Variants in STAG3 observed in about 807,000 individuals in gnomAD.
STAG3 encodes the protein cohesin subunit SA-3.
STAG3 carries 101 observed loss-of-function variants against 160.7 expected under a neutral mutation model. That is an observed-to-expected ratio of 0.63 (90% CI 0.54 to 0.74). STAG3 has a LOEUF of 0.74. STAG3 is among the 30% of genes least tolerant of loss of function. The probability of loss-of-function intolerance (pLI) is 0.00; values close to 1 mark genes in which losing one functional copy is unlikely to be tolerated. For synonymous variants in STAG3, 519 were observed against 585.0 expected (o/e 0.89, Z 1.63); for missense variants, 1,188 against 1,517.4 (o/e 0.78, Z 3.61).
chr7:100,180,344 G>A, intron 1 of STAG3, 149 bp from the exon 2 acceptor site: 1 of 479,730 alleles, frequency 2.1e-6, no homozygotes, highest in Non-Finnish European at 3.8e-6. Context: ...ATAGGCATGA[G>A]CCACGGTGCC....
intron 13 of STAG3, 124 bp downstream of exon 13, chr7:100,198,706 C>T (rs1158441685): frequency 1.1e-5 from 13 of 1,233,742 alleles, no homozygotes; most frequent in South Asian, 6.2e-5. Flanking sequence ...CCTTTCTTCT[C>T]GCAGCTCCTT....
chr7:100,200,376 A>G (rs947410017), intron 17 of STAG3, 48 bp downstream of exon 17: 3 of 1,613,144 alleles, frequency 1.9e-6, no homozygotes, highest in African/African-American at 2.7e-5. Flanking sequence ...AGTGAAAGGA[A>G]ATGGCCTCTG....
In STAG3 at chr7:100,201,033, G is replaced by A. The variant is rs1801082346; in HGVS notation, c.2062-57G>A. On this transcript the variant is annotated intron_variant, in intron 19 of 33. Transcript: ENST00000615138. ...GGGTGGGAGGGGCTGCAAGACGGGG[G>A]ATGTGGACTGATGAGTTCTGGGGGA... 1.1e-5 allele frequency: 17 copies of A among 1,613,912 alleles called. No homozygotes were observed. The South Asian group carries it at 1.6e-4, about 16-fold the overall frequency.
intron 32 of STAG3, 157 bp from the exon 33 acceptor site, chr7:100,213,578 C>T: frequency 2.0e-6 from 2 of 983,472 alleles, no homozygotes; most frequent in African/African-American, 1.7e-5. Flanking sequence ...CAGGCCTGAT[C>T]CTGGTGCCCA....
intron 3 of STAG3, among the ~76,000 whole-genome samples, 190 bp downstream of exon 3, chr7:100,182,382 C>T (rs1799705166): frequency 6.7e-6 from 1 of 150,328 alleles, no homozygotes; most frequent in South Asian, 2.1e-4. Context: ...GAAAAGAAAA[C>T]CTAAAAGAGG....
chr7:100,182,050 T>C, intron 2 of STAG3, 40 bp from the exon 3 acceptor site: 1 of 1,477,530 alleles, frequency 6.8e-7, no homozygotes, highest in African/African-American at 1.4e-5. Context: ...ATGGAGGGAA[T>C]AGGGTGGTTA....
chr7:100,191,219 G>A (rs1403395831), intron 8 of STAG3, among the ~76,000 whole-genome samples: 1 of 151,766 alleles, frequency 6.6e-6, no homozygotes, highest in African/African-American at 2.4e-5. Flanking sequence ...AGCAAGTTGT[G>A]GCAGCCAAAA....
rs1485664387 is a variant in STAG3, at chr7:100,204,127, G to A, written c.2802+5G>A. 19 of 1,612,398 alleles carry A rather than the reference G, an allele frequency of 1.2e-5. No homozygotes were observed. The highest frequency in any genetic ancestry group is 1.7e-5 in the Admixed American group (1 of 59,988). ...CTGCTGCTGAGCCTCAAGCAGGTGC[G>A]CCCTTCTGCCTTGAGGACATGCCAG... On this transcript the variant is annotated splice_donor_5th_base_variant and intron_variant, in intron 26 of 33. Transcript: ENST00000615138.
At position 100,188,768 on chromosome 7, in the gene STAG3, A is replaced by T. The variant is rs1270300196; in HGVS notation, c.511-44A>T. 6.9e-6 allele frequency: 11 copies of T among 1,596,978 alleles called. No homozygotes were observed. The Admixed American group carries it at 8.3e-5, about 12-fold the overall frequency. On this transcript the variant is annotated intron_variant, in intron 6 of 33. Coordinates refer to ENST00000615138, the MANE Select transcript of STAG3 (RefSeq NM_001282717.2). The stretch of plus-strand genomic sequence containing the variant: ...CATCCAAGCCCCTATGACTTCATGG[A>T]CCTGGTAATAACTTTCCCATCCTTT...
intron 29 of STAG3, among the ~76,000 whole-genome samples, chr7:100,209,277 C>CT (rs1477865095): frequency 6.6e-6 from 1 of 152,164 alleles, no homozygotes; most frequent in African/African-American, 2.4e-5. Flanking sequence ...GCCTATTGGC[C>CT]TCCCAGCGAA....
chr7:100,178,620 G>A (rs1329283035), intron 1 of STAG3, among the ~76,000 whole-genome samples: 1 of 146,266 alleles, frequency 6.8e-6, no homozygotes, highest in African/African-American at 2.5e-5. Flanking sequence ...GAGACAGGGC[G>A]TTGCTATGTG....
intron 10 of STAG3, 190 bp from the exon 11 acceptor site, chr7:100,197,588 A>G: frequency 1.5e-6 from 1 of 654,828 alleles, no homozygotes; most frequent in South Asian, 1.8e-5. Context: ...CATCATGAGT[A>G]CTGCTGTGAT....
chr7:100,209,791 G>A (rs1802008431), intron 29 of STAG3, among the ~76,000 whole-genome samples: 1 of 152,214 alleles, frequency 6.6e-6, no homozygotes, highest in Non-Finnish European at 1.5e-5. Context: ...CTGGATGTGG[G>A]ATGTAAGACA....
chr7:100,183,174 C>T (rs1238892924), intron 4 of STAG3, among the ~76,000 whole-genome samples: 1 of 152,138 alleles, frequency 6.6e-6, no homozygotes, highest in Admixed American at 6.5e-5. Context: ...CCACCACGCC[C>T]AGCTACTTTT....
intron 15 of STAG3, 86 bp downstream of exon 15, chr7:100,199,453 C>A (rs1490967351): frequency 1.3e-6 from 2 of 1,543,358 alleles, no homozygotes; most frequent in Non-Finnish European, 1.8e-6. Context: ...TTGTACAAGG[C>A]AGCAACGGTG....
chr7:100,196,059 G>C (rs1392178800), intron 9 of STAG3, among the ~76,000 whole-genome samples: 3 of 151,998 alleles, frequency 2.0e-5, no homozygotes, highest in African/African-American at 7.2e-5. Context: ...AACCCAGGAG[G>C]TGGAGGTTGC....
chr7:100,181,053 A>C (rs1799616932), intron 2 of STAG3, among the ~76,000 whole-genome samples: 1 of 152,134 alleles, frequency 6.6e-6, no homozygotes, highest in Non-Finnish European at 1.5e-5. Context: ...TTCAGCATGT[A>C]CCAACCCTGG....
downstream of STAG3, chr7:100,218,346 ATCTATT>A (rs1175478198): frequency 1.7e-5 from 3 of 180,868 alleles, no homozygotes; most frequent in African/African-American, 7.1e-5. Context: ...CATAGCTATA[ATCTATT>A]TCTAGTATAA....
chr7:100,194,222 G>T (rs889665033), intron 8 of STAG3, among the ~76,000 whole-genome samples: 1 of 152,198 alleles, frequency 6.6e-6, no homozygotes, highest in African/African-American at 2.4e-5. Context: ...GGGATTATAG[G>T]TGTGAGCCAC....
Sources: gnomAD v4.1 joint callset for allele counts (sites outside exome capture counted in the v4.1 genomes callset) on GRCh38, gnomAD v4.1.1 for gene constraint, MANE v1.5 for transcripts, NCBI Gene and HGNC (gene_info 2026-07-23, HGNC 2026-07-21) for gene names.